GPA33: variants seen among roughly 807,000 people sequenced by gnomAD.
The protein encoded by GPA33 is glycoprotein A33, also known as cell surface A33 antigen.
Under a neutral mutation model 35.6 loss-of-function variants are expected in GPA33, and 27 were observed. That is an observed-to-expected ratio of 0.76 (90% confidence interval 0.56 to 1.04). The LOEUF (loss-of-function observed/expected upper bound fraction) is 1.04. Ranked by LOEUF, GPA33 falls within the 50% of genes least tolerant of loss-of-function variation. The pLI, the probability that GPA33 is intolerant of heterozygous loss-of-function variation, is 0.00. For missense variants in GPA33, 428 were observed against 411.9 expected (o/e 1.04, Z -0.34); for synonymous variants, 176 against 164.0 (o/e 1.07, Z -0.56).
intron 1 of GPA33, 101 bp from the exon 2 acceptor site, chr1:167,073,640 T>C: frequency 9.6e-7 from 1 of 1,045,634 alleles, no homozygotes. Context: ...AGGGCTGTTC[T>C]TGCACCTCCA....
rs1666665514 is a variant in GPA33 at position 167,069,155 on chromosome 1, T to C, written c.199-17A>G. 1.3e-6 allele frequency: 2 copies of C among 1,572,558 alleles called. No homozygotes were observed. Among genetic ancestry groups the C allele is most frequent in the Middle Eastern group, 1.7e-4 (1 of 5,984 alleles). On this transcript the variant is annotated splice_polypyrimidine_tract_variant and intron_variant, in intron 2 of 6. Transcript: ENST00000367868. Reference sequence around the variant, plus strand: ...CACCCTTTCCTGGAGAGAGAAGAAATGGCACCAGGTCTTCACCCAAAGGCC... The same window carrying C: ...CACCCTTTCCTGGAGAGAGAAGAAACGGCACCAGGTCTTCACCCAAAGGCC...
intron 4 of GPA33, among the ~76,000 whole-genome samples, chr1:167,063,099 T>C (rs1339235056): frequency 6.6e-6 from 1 of 152,246 alleles, no homozygotes; most frequent in East Asian, 1.9e-4. Flanking sequence ...CATTTTTGTT[T>C]CTTGCCAGAA....
chr1:167,087,175 G>A (rs537696199), intron 1 of GPA33, among the ~76,000 whole-genome samples: 1 of 152,290 alleles, frequency 6.6e-6, no homozygotes, highest in South Asian at 2.1e-4. Context: ...TTCATCCACA[G>A]TGACCTCTGA....
chr1:167,077,931 A>G (rs1666855946), intron 1 of GPA33, among the ~76,000 whole-genome samples: 1 of 152,196 alleles, frequency 6.6e-6, no homozygotes, highest in South Asian at 2.1e-4. Context: ...AAAAGGTTAA[A>G]CCCTTTGCTC....
intron 3 of GPA33, among the ~76,000 whole-genome samples, chr1:167,066,527 G>A (rs758212688): frequency 3.9e-5 from 6 of 152,128 alleles, no homozygotes; most frequent in African/African-American, 7.2e-5. Flanking sequence ...ACCCTGTCCA[G>A]ATCCCTCACT....
chr1:167,061,855 G>A (rs1666458242), intron 4 of GPA33, among the ~76,000 whole-genome samples: 1 of 152,158 alleles, frequency 6.6e-6, no homozygotes, highest in Non-Finnish European at 1.5e-5. Flanking sequence ...GCCTGCCTCA[G>A]CCTCCCAAAG....
chr1:167,090,279 C>T lies in GPA33; in HGVS notation c.9G>A (p.Gly3=), dbSNP rs924548828. The T allele has an allele frequency of 2.4e-5, 39 of 1,613,508 alleles. No homozygotes were observed. Among genetic ancestry groups the T allele is most frequent in the Non-Finnish European group, 3.1e-5 (36 of 1,179,524 alleles). Residue 3 remains glycine (G), a synonymous_variant, in exon 1 of 7, where the codon GGG becomes GGA. Transcript: ENST00000367868. MV[G]KMWPVLWTLC... is the part of the protein sequence containing the mutation. Reference sequence around the variant, plus strand: ...GTGTCCACAACACAGGCCACATCTTCCCCACCATGGTCTTGCTTCTTCTCT... The same window carrying T: ...GTGTCCACAACACAGGCCACATCTTTCCCACCATGGTCTTGCTTCTTCTCT...
At chr1:167,056,173 C>T (rs990861479) in intron 4 of GPA33, among the ~76,000 whole-genome samples, 2 of 152,194 alleles carry the variant, frequency 1.3e-5, no homozygotes, top group African/African-American at 4.8e-5. Flanking sequence ...TCACAGGGTA[C>T]TTGCAAGCAT....
At chr1:167,069,293 T>G (rs1571312198) in intron 2 of GPA33, among the ~76,000 whole-genome samples, 155 bp from the exon 3 acceptor site, 1 of 152,162 alleles carries the variant, frequency 6.6e-6, no homozygotes, top group Non-Finnish European at 1.5e-5. Flanking sequence ...GTGCTACCCA[T>G]TTGTGGATTT....
chr1:167,060,070 T>C (rs1666402036), intron 4 of GPA33, among the ~76,000 whole-genome samples: 1 of 152,186 alleles, frequency 6.6e-6, no homozygotes, highest in South Asian at 2.1e-4. Context: ...TCTCTATTTA[T>C]TTTTTGTTTG....
At chr1:167,084,541 G>C (rs1169915732) in intron 1 of GPA33, among the ~76,000 whole-genome samples, 1 of 152,244 alleles carries the variant, frequency 6.6e-6, no homozygotes. Flanking sequence ...GTGATGCTGG[G>C]TCAGTTTCTG....
chr1:167,063,693 T>C lies in GPA33; in HGVS notation c.460A>G (p.Ile154Val). 1 of 1,613,684 alleles carries C rather than the reference T, an allele frequency of 6.2e-7. No homozygotes were observed. The highest frequency in any genetic ancestry group is 8.5e-7 in the Non-Finnish European group (1 of 1,179,994). Residue 154 changes from isoleucine to valine, a missense_variant, in exon 4 of 7, where the codon ATT becomes GTT. Transcript: ENST00000367868. ...CAGGTCAGCTGGATGTTGTTCCCAA[T>C]TATGGTCTCTCCCTCGATGCCGCAT... is the stretch of plus-strand genomic sequence containing the variant. Reference protein sequence around the residue: ...PECGIEGETIIGNNIQLTCQS... With the variant: ...PECGIEGETIVGNNIQLTCQS...
At position 167,071,506 on chromosome 1, in the gene GPA33, A is replaced by G. The variant is rs563514734; in HGVS notation, c.198+1879T>C. On this transcript the variant is annotated intron_variant, in intron 2 of 6. Coordinates refer to ENST00000367868, the MANE Select transcript of GPA33 (RefSeq NM_005814.3). Reference sequence around the variant, plus strand: ...ATACATGGCTTGGCTAATGAAGCACATATCCTTGTGCAGGGTGCAATCTAC... The same window carrying G: ...ATACATGGCTTGGCTAATGAAGCACGTATCCTTGTGCAGGGTGCAATCTAC... 8.5e-5 allele frequency among the ~76,000 whole-genome samples: 13 copies of G among 152,360 alleles called. No individual in the cohort carries two copies. In the East Asian group the frequency reaches 2.5e-3, roughly 29 times the overall value.
chr1:167,057,521 C>T (rs1203476510), intron 4 of GPA33, among the ~76,000 whole-genome samples: 2 of 152,162 alleles, frequency 1.3e-5, no homozygotes, highest in Non-Finnish European at 2.9e-5. Flanking sequence ...GCCCAGCAAC[C>T]ACTAGACGTA....
intron 4 of GPA33, 96 bp downstream of exon 4, chr1:167,063,486 G>C: frequency 9.3e-7 from 1 of 1,075,938 alleles, no homozygotes; most frequent in Non-Finnish European, 1.4e-6. Context: ...CCTTCAGGGG[G>C]ATCTGATCGG....
chr1:167,055,189 G>A, intron 5 of GPA33, 78 bp from the exon 6 acceptor site: 1 of 1,440,544 alleles, frequency 6.9e-7, no homozygotes, highest in Non-Finnish European at 9.6e-7. Flanking sequence ...GGGAGCAGCA[G>A]CTACCAGCTT....
At chr1:167,082,247 G>A (rs752236129) in intron 1 of GPA33, 3 of 456,166 alleles carry the variant, frequency 6.6e-6, no homozygotes, top group Non-Finnish European at 1.3e-5. Flanking sequence ...ACAGTTACCT[G>A]TGGATTCTGA....
At chr1:167,078,842 G>A (rs187349477) in intron 1 of GPA33, 1 of 152,184 alleles carries the variant, frequency 6.6e-6, no homozygotes, top group African/African-American at 2.4e-5. Context: ...GTTTTCCTTT[G>A]AGAAACGGGC....
chr1:167,068,535 T>C (rs1419198141), intron 3 of GPA33, among the ~76,000 whole-genome samples: 1 of 152,098 alleles, frequency 6.6e-6, no homozygotes, highest in African/African-American at 2.4e-5. Context: ...GGGAAAGATA[T>C]AAGAGAATCA....
Sources: gnomAD v4.1 joint callset for allele counts (sites outside exome capture counted in the v4.1 genomes callset) on GRCh38, gnomAD v4.1.1 for gene constraint, MANE v1.5 for transcripts, NCBI Gene and HGNC (gene_info 2026-07-23, HGNC 2026-07-21) for gene names.